RBL2: variants seen among roughly 807,000 people sequenced by gnomAD.
The protein encoded by RBL2 is retinoblastoma-like protein 2.
In RBL2, 56 loss-of-function variants were observed where a neutral mutation model predicts 126.0. The observed-to-expected ratio is 0.44, with a 90% CI of 0.36 to 0.56. RBL2 has a LOEUF of 0.56. RBL2 is among the 20% of genes least tolerant of loss of function. The pLI is 0.00. For missense variants in RBL2, 1,229 were observed against 1,398.2 expected (o/e 0.88, Z 1.93); for synonymous variants, 454 against 478.5 (o/e 0.95, Z 0.67).
At position 53,469,998 on chromosome 16, in the gene RBL2, T is replaced by C. The variant is rs2058306368; in HGVS notation, c.2058T>C (p.Asn686=). The C allele has an allele frequency of 6.2e-7, 1 of 1,614,160 alleles. No homozygotes were observed. The highest frequency in any genetic ancestry group is 8.5e-7 in the Non-Finnish European group (1 of 1,179,976). The change falls in exon 15 of 22, where the codon AAT becomes AAC. Residue 686 remains asparagine, a synonymous_variant. Coordinates refer to ENST00000262133, the MANE Select transcript of RBL2 (RefSeq NM_005611.4). The part of the protein sequence containing the change: ...STTRRRLFVE[N]DSPSDGGTPG... ...CCAGAAGGCGGCTATTTGTTGAGAA[T>C]GATAGCCCCTCTGATGGAGGGACGC...
chr16:53,479,624 T>C (rs891240872), intron 18 of RBL2: 33 of 462,796 alleles, frequency 7.1e-5, no homozygotes, highest in African/African-American at 5.1e-4. Flanking sequence ...TCTGTGTATC[T>C]TACTTAGAAT....
chr16:53,471,586 A>T (rs1960526808), intron 17 of RBL2, among the ~76,000 whole-genome samples: 1 of 151,860 alleles, frequency 6.6e-6, no homozygotes, highest in Non-Finnish European at 1.5e-5. Flanking sequence ...CTCCTGTCGT[A>T]GCCTCCCGAG....
At position 53,439,055 on chromosome 16, in the gene RBL2, G is replaced by T. The variant is rs146316017; in HGVS notation, c.280G>T (p.Ala94Ser). Residue 94 changes from alanine (A) to serine (S), a missense_variant, in exon 2 of 22, where the codon GCT (alanine) becomes TCT (serine). Physicochemically the swap from Ala to Ser is moderately conservative, Grantham distance 99. Transcript: ENST00000262133. ...LHWLACALYV[A>S]CRKSVPTVSK... is the part of the protein sequence containing the mutation. ...TTGGTTAGCATGTGCCTTATATGTG[G>T]CTTGCAGAAAATCTGTTCCAACTGT... is the stretch of plus-strand genomic sequence containing the variant. 8.1e-6 allele frequency: 13 copies of T among 1,606,686 alleles called. No individual in the cohort carries two copies. The African/African-American group carries it at 1.5e-4, about 18-fold the overall frequency.
chr16:53,490,488 A>T lies in RBL2; in HGVS notation c.*188A>T, dbSNP rs772827174. ...TCCTTAGAACATTTTAATTCATCCC[A>T]ACTGTCTTTTTTTCCCTACCATTCA... On this transcript the variant is annotated 3_prime_UTR_variant, in exon 22 of 22. Transcript: ENST00000262133. The T allele has an allele frequency of 4.6e-6, 2 of 433,068 alleles. No homozygotes were observed. Among genetic ancestry groups the T allele is most frequent in the Non-Finnish European group, 7.9e-6 (2 of 253,748 alleles). The allele number at this position is 433,068 out of a possible 1,614,324, so 26.8% of individuals were successfully genotyped here.
chr16:53,465,943 G>A (rs779440925), intron 13 of RBL2: 8 of 163,080 alleles, frequency 4.9e-5, no homozygotes, highest in Non-Finnish European at 1.1e-4. Flanking sequence ...ACCTCCCATC[G>A]CTAAGCTGCT....
chr16:53,456,690 A>G (rs1378331320), intron 8 of RBL2, among the ~76,000 whole-genome samples: 3 of 152,230 alleles, frequency 2.0e-5, no homozygotes, highest in African/African-American at 7.2e-5. Context: ...TTCTTCAGAT[A>G]TGCCAGGCAT....
Position 53,462,587 on chromosome 16 carries a change from C to G in RBL2, c.1492C>G (p.Leu498Val). 1 of 1,559,852 alleles carries G rather than the reference C, an allele frequency of 6.4e-7. No homozygotes were observed. The highest frequency in any genetic ancestry group is 8.6e-7 in the Non-Finnish European group (1 of 1,162,884). ...ASKHFRFAEMLYYKVLESVIE... is the reference protein window; with the variant it reads ...ASKHFRFAEMVYYKVLESVIE... ...CAAACATTTTCGTTTTGCGGAGATG[C>G]TTTACTATAAAGTATTAGAATCTGT... The change falls in exon 11 of 22, where the codon CTT becomes GTT. Residue 498 changes from leucine (L) to valine (V), a missense_variant. Physicochemically the swap from Leu to Val is conservative, Grantham distance 32. This residue lies in a region of RBL2 where 1,070 missense variants were observed against 1,274.3 expected (regional missense o/e 0.84). Coordinates refer to ENST00000262133, the MANE Select transcript of RBL2 (RefSeq NM_005611.4).
rs180852646 is a variant in RBL2 at position 53,471,623 on chromosome 16, C to T, written c.2703+701C>T. Among the ~76,000 whole-genome samples the T allele has an allele frequency of 1.4e-3, 211 of 152,186 alleles. 1 individual carries two copies. The Middle Eastern group carries it at 0.027, about 20-fold the overall frequency. On this transcript the variant is annotated intron_variant, in intron 17 of 21. Coordinates refer to ENST00000262133, the MANE Select transcript of RBL2 (RefSeq NM_005611.4). ...AGCTGGGATTACAGCCATGTGCCAC[C>T]ATGCCTGGCTAATTTTTGCATTTTT...
chr16:53,441,410 G>A (rs541541236), intron 2 of RBL2, among the ~76,000 whole-genome samples: 1 of 152,244 alleles, frequency 6.6e-6, no homozygotes, highest in African/African-American at 2.4e-5. Flanking sequence ...CTGCACACAT[G>A]TATAAGGATG....
intron 20 of RBL2, 81 bp downstream of exon 20, chr16:53,480,850 C>T: frequency 7.3e-7 from 1 of 1,371,710 alleles, no homozygotes; most frequent in Non-Finnish European, 1.0e-6. Flanking sequence ...ATGGACCATT[C>T]ACCTGGTCCG....
At position 53,434,777 on chromosome 16, in the gene RBL2, G is replaced by A. The variant is rs767650018; in HGVS notation, c.221G>A (p.Ser74Asn). ...GCCTGGGACAGCTACCGCAGCATGA[G>A]CGAAAGCTACACGCTGGAGGTGCGC... is the stretch of plus-strand genomic sequence containing the variant. Reference protein sequence around the residue: ...AEAWDSYRSMSESYTLEGNDL... With the variant: ...AEAWDSYRSMNESYTLEGNDL... Residue 74 changes from serine to asparagine, a missense_variant, in exon 1 of 22, where the codon AGC (serine) becomes AAC (asparagine). Around this residue, in one of 2 missense-constraint regions of RBL2, gnomAD observed 159 missense variants for 123.9 expected, o/e 1.28. Coordinates refer to ENST00000262133, the MANE Select transcript of RBL2 (RefSeq NM_005611.4). 7 of 1,518,610 alleles carry A rather than the reference G, an allele frequency of 4.6e-6. No homozygotes were observed. In the Middle Eastern group the frequency reaches 5.7e-4, roughly 123 times the overall value. The allele number at this position is 1,518,610 out of a possible 1,614,324, so 94.1% of individuals were successfully genotyped here. A position where few individuals can be genotyped will look rare whatever the true frequency, so the allele number is the denominator to read the frequency against.
In RBL2 at chr16:53,451,826, T is replaced by G. The variant is rs760344148; in HGVS notation, c.761T>G (p.Phe254Cys). ...CGTAAAGAACTTGTGAACCCTAATT[T>G]TAAAGGTAGGTTTGTAAATCAAAGA... ...SNRKELVNPN[F>C]KGLSEDFHAK... Residue 254 changes from phenylalanine to cysteine, a missense_variant, in exon 5 of 22, where the codon TTT becomes TGT. Transcript: ENST00000262133. 9 of 1,613,458 alleles carry G rather than the reference T, an allele frequency of 5.6e-6. No individual in the cohort carries two copies. In the African/African-American group the frequency reaches 6.7e-5, roughly 12 times the overall value.
At chr16:53,477,115 T>C (rs1432242660) in intron 17 of RBL2, among the ~76,000 whole-genome samples, 1 of 152,058 alleles carries the variant, frequency 6.6e-6, no homozygotes, top group Non-Finnish European at 1.5e-5. Context: ...ATATATCTCT[T>C]ATCAAAAATC....
rs112704181 is a variant in RBL2, at chr16:53,452,078, G to A, written c.766+247G>A. On this transcript the variant is annotated intron_variant, in intron 5 of 21. Coordinates refer to ENST00000262133, the MANE Select transcript of RBL2 (RefSeq NM_005611.4). ...TTCTGAAATATATACTCAACAAGGA[G>A]AAGGCATTTAGAAACTCAGAGTTGC... Among the ~76,000 whole-genome samples, 99 of 152,310 alleles carry A rather than the reference G, an allele frequency of 6.5e-4. 3 individuals are homozygous for A. The highest frequency in any genetic ancestry group is 1.9e-3 in the African/African-American group (79 of 41,572).
intron 17 of RBL2, among the ~76,000 whole-genome samples, chr16:53,476,327 A>C (rs893236868): frequency 6.6e-6 from 1 of 152,150 alleles, no homozygotes; most frequent in Non-Finnish European, 1.5e-5. Context: ...ACTGATTTCT[A>C]CTTTCATTGT....
chr16:53,435,872 G>T, intron 1 of RBL2: 1 of 939,210 alleles, frequency 1.1e-6, no homozygotes, highest in Non-Finnish European at 1.4e-6. Flanking sequence ...GTCTGCAGAA[G>T]ATAGTGTATG....
At chr16:53,482,812 CA>C (rs11366467) in intron 21 of RBL2, among the ~76,000 whole-genome samples, 35,864 of 94,282 alleles carry the variant, frequency 0.38, 5,922 homozygotes, top group African/African-American at 0.6. Context: ...CTCACTGTCT[CA>C]AAAAAAAAAA....
chr16:53,481,953 A>G (rs1960968908), intron 21 of RBL2, 118 bp downstream of exon 21: 1 of 1,244,734 alleles, frequency 8.0e-7, no homozygotes, highest in South Asian at 1.3e-5. Flanking sequence ...GGGAGCAGTG[A>G]TCAGTCAGTC....
intron 11 of RBL2, 95 bp downstream of exon 11, chr16:53,462,750 C>T: frequency 2.7e-6 from 2 of 739,556 alleles, no homozygotes; most frequent in South Asian, 1.9e-5. Context: ...TATATATAGT[C>T]TCCTTTCATA....
Sources: allele counts gnomAD v4.1 joint callset (sites outside exome capture counted in the v4.1 genomes callset), GRCh38; gene constraint gnomAD v4.1.1; regional missense constraint gnomAD v4.1.1; transcripts MANE v1.5; gene names NCBI Gene and HGNC (gene_info 2026-07-23, HGNC 2026-07-21).